BAZ2A: variants seen among roughly 807,000 people sequenced by gnomAD.
BAZ2A encodes the protein bromodomain adjacent to zinc finger domain protein 2A.
A neutral mutation model predicts 199.9 loss-of-function variants in BAZ2A; 34 were observed. The observed-to-expected ratio is 0.17, with a 90% CI of 0.13 to 0.23. BAZ2A has a LOEUF of 0.23. Among genes scored for constraint, BAZ2A ranks in the 10% least tolerant of loss-of-function variants. BAZ2A has a pLI of 1.00. For synonymous variants in BAZ2A, 857 were observed against 883.9 expected (o/e 0.97, Z 0.54); for missense variants, 2,002 against 2,391.1 (o/e 0.84, Z 3.39).
intron 1 of BAZ2A, among the ~76,000 whole-genome samples, chr12:56,628,400 AG>A (rs1951183054): frequency 6.6e-6 from 1 of 152,092 alleles, no homozygotes; most frequent in African/African-American, 2.4e-5. Context: ...ACGACTTTGC[AG>A]GGAACAGAGG....
intron 1 of BAZ2A, among the ~76,000 whole-genome samples, chr12:56,623,616 A>T (rs1027526386): frequency 8.6e-5 from 13 of 151,932 alleles, no homozygotes; most frequent in Admixed American, 8.5e-4. Flanking sequence ...TACCCACCAC[A>T]CTCTAATACA....
chr12:56,609,434 T>C (rs1170061772), intron 10 of BAZ2A, among the ~76,000 whole-genome samples: 2 of 152,156 alleles, frequency 1.3e-5, no homozygotes, highest in East Asian at 3.8e-4. Context: ...TGAACCAGTA[T>C]ATGATAAGGA....
Position 56,599,774 on chromosome 12 carries a change from G to A in BAZ2A, c.5100C>T (p.His1700=). ...CCATCTTGGGACGATGGCAGTAAAT[G>A]TGGCAGCCACGGTCACACCCATCAC... The part of the protein sequence containing the change: ...LLCDGCDRGC[H]IYCHRPKMEA... The change falls in exon 26 of 29, where the codon CAC becomes CAT. Residue 1700 remains histidine, a synonymous_variant. Coordinates refer to ENST00000549884, the MANE Select transcript of BAZ2A (RefSeq NM_001300905.2). 1 of 1,614,008 alleles carries A rather than the reference G, an allele frequency of 6.2e-7. No individual in the cohort carries two copies. The highest frequency in any genetic ancestry group is 1.1e-5 in the South Asian group (1 of 91,086).
chr12:56,634,323 G>A (rs2137498539), upstream of BAZ2A, among the ~76,000 whole-genome samples: 1 of 152,232 alleles, frequency 6.6e-6, no homozygotes, highest in Non-Finnish European at 1.5e-5. Flanking sequence ...CAGCTCCCAG[G>A]TTCTGGGGGA....
upstream of BAZ2A, chr12:56,634,972 G>T (rs1398751303): frequency 2.0e-6 from 2 of 984,928 alleles, no homozygotes; most frequent in African/African-American, 1.7e-5. Context: ...CGCAGGCGGC[G>T]GCGGCGGCGG....
chr12:56,615,907 T>C (rs1950704768), intron 2 of BAZ2A, among the ~76,000 whole-genome samples: 1 of 152,028 alleles, frequency 6.6e-6, no homozygotes. Context: ...TGGTTTATTT[T>C]TTGTTTGTTT....
chr12:56,612,873 C>G, intron 5 of BAZ2A, 142 bp downstream of exon 5: 1 of 916,226 alleles, frequency 1.1e-6, no homozygotes, highest in Non-Finnish European at 1.7e-6. Flanking sequence ...CCACCCGCCT[C>G]GGCCTCCCGA....
intron 10 of BAZ2A, among the ~76,000 whole-genome samples, chr12:56,609,339 G>A (rs753184627): frequency 6.6e-5 from 10 of 152,118 alleles, no homozygotes; most frequent in Non-Finnish European, 1.2e-4. Context: ...ACACCACCAT[G>A]CCTGGCTCCC....
At position 56,602,704 on chromosome 12, in the gene BAZ2A, C is replaced by T. The variant is rs115201127; in HGVS notation, c.3424+9G>A. The T allele has an allele frequency of 5.2e-4, 834 of 1,611,838 alleles. 6 individuals carry two copies. The African/African-American group carries it at 0.01, about 20-fold the overall frequency. On this transcript the variant is annotated intron_variant, in intron 19 of 28. Transcript: ENST00000549884. ...GACTCAGAATCCACACTCCCACAGG[C>T]ACACCTACCTAAGTTCCCCTCTGTT... is the stretch of plus-strand genomic sequence containing the variant.
intron 16 of BAZ2A, 144 bp downstream of exon 16, chr12:56,604,073 T>G: frequency 3.9e-6 from 3 of 763,484 alleles, no homozygotes; most frequent in South Asian, 3.6e-5. Flanking sequence ...AGAAATACCT[T>G]GACTCTAAAC....
At chr12:56,626,755 A>C (rs886893685) in intron 1 of BAZ2A, among the ~76,000 whole-genome samples, 7 of 152,254 alleles carry the variant, frequency 4.6e-5, no homozygotes, top group Admixed American at 1.3e-4. Context: ...AAGAGTAGTT[A>C]TCTCTCCTTT....
chr12:56,613,202 A>G lies in BAZ2A; in HGVS notation c.948T>C (p.Asp316=). Residue 316 remains aspartate (D), a synonymous_variant, in exon 5 of 29, where the codon GAT becomes GAC. Transcript: ENST00000549884. The stretch of plus-strand genomic sequence containing the variant: ...CCTCTGCACCCATCAGCTCCGTGTC[A>G]TCAATACCATATAGTCCTCCACTCA... The part of the protein sequence containing the change: ...EPVSGGLYGI[D]DTELMGAEDK... 1 of 1,614,064 alleles carries G rather than the reference A, an allele frequency of 6.2e-7. No individual in the cohort carries two copies. Among genetic ancestry groups the G allele is most frequent in the Non-Finnish European group, 8.5e-7 (1 of 1,179,906 alleles).
chr12:56,631,366 G>A (rs11171912), upstream of BAZ2A, among the ~76,000 whole-genome samples: 8,258 of 150,484 alleles, frequency 0.055, 745 homozygotes, highest in African/African-American at 0.19. Flanking sequence ...CAAGAGAATC[G>A]CTTGAACCTG....
Position 56,615,571 on chromosome 12 carries a change from G to C in BAZ2A, c.173C>G (p.Thr58Ser). 4 of 1,610,438 alleles carry C rather than the reference G, an allele frequency of 2.5e-6. No homozygotes were observed. Among genetic ancestry groups the C allele is most frequent in the Non-Finnish European group, 3.4e-6 (4 of 1,178,206 alleles). ...NGDVNVNGLS[T>S]VSHTTTSGIL... is the part of the protein sequence containing the mutation. ...CCCTGAAGTAGTAGTGTGAGATACAGTAGATAAGCCATTAACATTCACATC... is the reference window on the plus strand; with the variant it reads ...CCCTGAAGTAGTAGTGTGAGATACACTAGATAAGCCATTAACATTCACATC... Residue 58 changes from threonine to serine, a missense_variant, in exon 3 of 29, where the codon ACT becomes AGT. Around this residue, in one of 6 missense-constraint regions of BAZ2A, gnomAD observed 641 missense variants for 694.5 expected, o/e 0.92. Transcript: ENST00000549884.
chr12:56,623,104 C>T (rs1455714358), intron 1 of BAZ2A, among the ~76,000 whole-genome samples: 2 of 151,922 alleles, frequency 1.3e-5, no homozygotes, highest in East Asian at 1.9e-4. Context: ...GGCGTGGTGG[C>T]GGGCACCTGT....
At chr12:56,607,344 T>C (rs1950394429) in intron 10 of BAZ2A, among the ~76,000 whole-genome samples, 1 of 152,192 alleles carries the variant, frequency 6.6e-6, no homozygotes, top group Non-Finnish European at 1.5e-5. Flanking sequence ...GAGTATTTCA[T>C]AATTGATGTT....
rs564993487 is a variant in BAZ2A, at chr12:56,615,812, T to A, written c.137-205A>T. On this transcript the variant is annotated intron_variant, in intron 2 of 28. Coordinates refer to ENST00000549884, the MANE Select transcript of BAZ2A (RefSeq NM_001300905.2). ...TAGGTTTAGCAACTGCTGCTGAGGC[T>A]GAGTAGGGGGCTAGAGAGCTCTCCA... Among the ~76,000 whole-genome samples the A allele has an allele frequency of 4.6e-5, 7 of 152,268 alleles. No homozygotes were observed. In the South Asian group the frequency reaches 1.2e-3, roughly 27 times the overall value.
At position 56,601,323 on chromosome 12, in the gene BAZ2A, CTCT is replaced by C. The variant is rs779043211; in HGVS notation, c.4148_4150del (p.Lys1383del). On this transcript the variant is annotated inframe_deletion, in exon 21 of 29. Transcript: ENST00000549884. ...CATTTCTCCAGGGTCTCCTGCTCGC[CTCT>C]TAGGGGCCAACCCAGCCAAGGGCGT... is the stretch of plus-strand genomic sequence containing the variant. The C allele has an allele frequency of 6.2e-7, 1 of 1,614,046 alleles. No individual in the cohort carries two copies. The highest frequency in any genetic ancestry group is 1.1e-5 in the South Asian group (1 of 91,088).
Position 56,615,190 on chromosome 12 carries a change from A to C in BAZ2A, c.554T>G (p.Phe185Cys). 6.2e-7 allele frequency: 1 copy of C among 1,613,716 alleles called. No individual in the cohort carries two copies. The highest frequency in any genetic ancestry group is 8.5e-7 in the Non-Finnish European group (1 of 1,179,766). Reference protein sequence around the residue: ...EVMPNGPPSFFTSPQTSPMLG... With the variant: ...EVMPNGPPSFCTSPQTSPMLG... The stretch of plus-strand genomic sequence containing the variant: ...CATAGGAGAAGTCTGTGGGGAGGTG[A>C]AAAAACTAGGGGGTCCATTGGGCAT... Residue 185 changes from phenylalanine to cysteine, a missense_variant, in exon 3 of 29, where the codon TTC becomes TGC. This residue lies in a region of BAZ2A where 641 missense variants were observed against 694.5 expected (regional missense o/e 0.92). Coordinates refer to ENST00000549884, the MANE Select transcript of BAZ2A (RefSeq NM_001300905.2).
Sources: allele counts gnomAD v4.1 joint callset (sites outside exome capture counted in the v4.1 genomes callset), GRCh38; gene constraint gnomAD v4.1.1; regional missense constraint gnomAD v4.1.1; transcripts MANE v1.5; gene names NCBI Gene and HGNC (gene_info 2026-07-23, HGNC 2026-07-21).